Variants in HEATR4 observed in about 807,000 individuals in gnomAD.
The protein encoded by HEATR4 is HEAT repeat containing 4.
Under a neutral mutation model 108.8 loss-of-function variants are expected in HEATR4, and 95 were observed. That is an observed-to-expected ratio of 0.87 (90% CI 0.74 to 1.04). The LOEUF (loss-of-function observed/expected upper bound fraction) is 1.04. Among genes scored for constraint, HEATR4 ranks in the 50% least tolerant of loss-of-function variants. The pLI is 0.00. For synonymous variants in HEATR4, 443 were observed against 459.4 expected (o/e 0.96, Z 0.46); for missense variants, 1,152 against 1,253.8 (o/e 0.92, Z 1.23).
chr14:73,630,505 C>T, the HEATR4 span, among the ~76,000 whole-genome samples: 6 of 152,340 alleles, frequency 3.9e-5, no homozygotes, highest in South Asian at 1.2e-3. Flanking sequence ...GTGGTTCGCT[C>T]CCCCAATAAA....
At chr14:73,513,430 C>T (rs377644932) in intron 6 of HEATR4, among the ~76,000 whole-genome samples, 211 of 148,688 alleles carry the variant, frequency 1.4e-3, no homozygotes, top group African/African-American at 4.8e-3. Context: ...CATGGCACTC[C>T]GGCCTGGGCA....
In HEATR4 at chr14:73,541,414, A is replaced by G. The variant is rs1889083938; in HGVS notation, c.-151-11170T>C. ...TTGCTGGGTCACATGTGTGGTAAGTATATGTTTAACTTGGTAAGAAACCAT... is the reference window on the plus strand; with the variant it reads ...TTGCTGGGTCACATGTGTGGTAAGTGTATGTTTAACTTGGTAAGAAACCAT... On this transcript the variant is annotated intron_variant, in intron 1 of 17. Coordinates refer to ENST00000553558, the MANE Select transcript of HEATR4 (RefSeq NM_001220484.1). The G allele has an allele frequency of 6.3e-6, 7 of 1,116,518 alleles. 2 individuals carry two copies. Among genetic ancestry groups the G allele is most frequent in the Non-Finnish European group, 8.5e-6 (7 of 820,640 alleles). 69.2% of individuals were successfully genotyped at this position (1,116,518 alleles called of 1,614,324 possible). A position where few individuals can be genotyped will look rare whatever the true frequency, so the allele number is the denominator to read the frequency against.
intron 17 of HEATR4, chr14:73,490,919 C>T: frequency 3.2e-6 from 4 of 1,241,832 alleles, no homozygotes; most frequent in Non-Finnish European, 3.1e-6. Flanking sequence ...GGCTGGAGGC[C>T]GCGCCCCCTT....
intron 5 of HEATR4, 75 bp from the exon 6 acceptor site, chr14:73,514,309 T>C: frequency 1.5e-6 from 2 of 1,361,258 alleles, no homozygotes; most frequent in Non-Finnish European, 2.0e-6. Context: ...CCAGCTTGCA[T>C]CCCATTCCTA....
At chr14:73,595,169 G>C in the HEATR4 span, 1 of 1,614,232 alleles carries the variant, frequency 6.2e-7, no homozygotes, top group Non-Finnish European at 8.5e-7. Context: ...TGGGATCAGT[G>C]GGAACACAGC....
At chr14:73,629,868 G>C in the HEATR4 span, among the ~76,000 whole-genome samples, 7 of 151,618 alleles carry the variant, frequency 4.6e-5, no homozygotes, top group South Asian at 2.1e-4. Flanking sequence ...AGGATGGTTT[G>C]GATCTCCTGA....
chr14:73,560,957 T>G (rs968299629), upstream of HEATR4, among the ~76,000 whole-genome samples: 9 of 152,044 alleles, frequency 5.9e-5, 1 homozygote, highest in Non-Finnish European at 8.8e-5. Context: ...CCCATGTTCA[T>G]AGCAGCATAC....
At chr14:73,521,160 T>G in intron 3 of HEATR4, 121 bp from the exon 4 acceptor site, 1 of 810,778 alleles carries the variant, frequency 1.2e-6, no homozygotes, top group South Asian at 1.7e-5. Context: ...ACGTGAGCAT[T>G]GCAGAACACC....
chr14:73,593,985 G>C, the HEATR4 span: 1 of 1,296,438 alleles, frequency 7.7e-7, no homozygotes, highest in Non-Finnish European at 1.1e-6. Flanking sequence ...GTGCAGAAAT[G>C]CTGCTCTGTT....
At chr14:73,602,389 G>A in the HEATR4 span, among the ~76,000 whole-genome samples, 7 of 152,276 alleles carry the variant, frequency 4.6e-5, no homozygotes, top group South Asian at 1.0e-3. Context: ...GAGGGCAATC[G>A]CTTCCTGGTG....
the HEATR4 span, among the ~76,000 whole-genome samples, chr14:73,589,809 C>A: frequency 2.0e-5 from 3 of 151,766 alleles, no homozygotes; most frequent in African/African-American, 7.3e-5. Flanking sequence ...ATTGTACCTT[C>A]TGATGTTCCC....
the HEATR4 span, among the ~76,000 whole-genome samples, chr14:73,615,068 G>T: frequency 7.8e-6 from 1 of 128,236 alleles, no homozygotes; most frequent in African/African-American, 3.1e-5. Flanking sequence ...CAGCCTGGAG[G>T]ACAGAGCAAG....
At chr14:73,619,940 A>C in the HEATR4 span, 1 of 1,222,630 alleles carries the variant, frequency 8.2e-7, no homozygotes, top group African/African-American at 1.7e-5. Context: ...TTTTTCCTGT[A>C]TCACTCTGTC....
chr14:73,484,336 C>G (rs1566816116), intron 17 of HEATR4, among the ~76,000 whole-genome samples: 1 of 151,882 alleles, frequency 6.6e-6, no homozygotes, highest in Admixed American at 6.6e-5. Context: ...ATATTTCAGG[C>G]TTTTGGGGCC....
chr14:73,494,735 T>A (rs1885997705), intron 16 of HEATR4, among the ~76,000 whole-genome samples: 1 of 152,044 alleles, frequency 6.6e-6, no homozygotes, highest in Non-Finnish European at 1.5e-5. Flanking sequence ...TTATTTATTT[T>A]TTTGTAGAGA....
intron 5 of HEATR4, 124 bp downstream of exon 5, chr14:73,518,899 C>T: frequency 2.3e-6 from 2 of 877,554 alleles, no homozygotes; most frequent in South Asian, 1.9e-5. Flanking sequence ...AAGGGGATTG[C>T]CTAGATGCTA....
the HEATR4 span, among the ~76,000 whole-genome samples, chr14:73,590,612 G>T: frequency 6.6e-6 from 1 of 152,174 alleles, no homozygotes; most frequent in South Asian, 2.1e-4. Flanking sequence ...TGCAGGTCCC[G>T]AGCCCTGCGC....
chr14:73,524,336 T>TATATATATATATATATATATA (rs1888198687), intron 2 of HEATR4, among the ~76,000 whole-genome samples: 1 of 134,550 alleles, frequency 7.4e-6, no homozygotes, highest in African/African-American at 2.8e-5. Context: ...TATATATATA[T>TATATATATATATATATATATA]TATAGCTGTA....
intron 2 of HEATR4, among the ~76,000 whole-genome samples, chr14:73,529,354 CAAAAAAAAA>C (rs10605851): frequency 1.7e-4 from 15 of 87,454 alleles, no homozygotes; most frequent in Non-Finnish European, 3.2e-4. Context: ...GACTCTGTCT[CAAAAAAAAA>C]AAAAAAAAAA....
Sources: gnomAD v4.1 joint callset for allele counts (sites outside exome capture counted in the v4.1 genomes callset) on GRCh38, gnomAD v4.1.1 for gene constraint, MANE v1.5 for transcripts, NCBI Gene and HGNC (gene_info 2026-07-23, HGNC 2026-07-21) for gene names.